Variants in WDR7 observed in about 807,000 individuals in gnomAD.
The protein encoded by WDR7 is WD repeat domain 7, also known as WD repeat-containing protein 7.
Under a neutral mutation model 169.4 loss-of-function variants are expected in WDR7, and 46 were observed. The observed-to-expected ratio is 0.27, with a 90% CI of 0.21 to 0.35. The LOEUF is 0.35. Among genes scored for constraint, WDR7 ranks in the 10% least tolerant of loss-of-function variants. The probability of loss-of-function intolerance (pLI) is 1.00; values close to 1 mark genes in which losing one functional copy is unlikely to be tolerated. For missense variants in WDR7, 1,534 were observed against 1,859.3 expected (o/e 0.83, Z 3.22); for synonymous variants, 612 against 666.8 (o/e 0.92, Z 1.27).
chr18:56,676,754 C>T (rs1394605821), intron 2 of WDR7, among the ~76,000 whole-genome samples: 1 of 151,588 alleles, frequency 6.6e-6, no homozygotes, highest in African/African-American at 2.4e-5. Flanking sequence ...CTTTGTCACC[C>T]AAGCTGGAGT....
chr18:56,869,116 C>A (rs1268530272), intron 20 of WDR7, among the ~76,000 whole-genome samples: 1 of 152,022 alleles, frequency 6.6e-6, no homozygotes, highest in Non-Finnish European at 1.5e-5. Context: ...GCCCTCAAAG[C>A]TTAAGATTTA....
At chr18:56,888,446 G>A (rs989884457) in intron 21 of WDR7, among the ~76,000 whole-genome samples, 1 of 152,118 alleles carries the variant, frequency 6.6e-6, no homozygotes, top group Non-Finnish European at 1.5e-5. Context: ...AACTTCTTTT[G>A]GTCCAAATAG....
intron 20 of WDR7, among the ~76,000 whole-genome samples, chr18:56,825,135 C>G (rs1238906921): frequency 4.6e-5 from 7 of 152,274 alleles, no homozygotes; most frequent in Non-Finnish European, 1.0e-4. Context: ...GGTAACTGTG[C>G]CTCCTCGTTT....
In WDR7 at chr18:56,958,090, C is replaced by G. The variant is rs117447809; in HGVS notation, c.4065-4340C>G. On this transcript the variant is annotated intron_variant, in intron 25 of 27. Coordinates refer to ENST00000254442, the MANE Select transcript of WDR7 (RefSeq NM_015285.3). ...CAAGGGAAAGTATAAATAGGGAGTGCCAAAGTTATTTAGAAACTCAGGTAC... is the reference window on the plus strand; with the variant it reads ...CAAGGGAAAGTATAAATAGGGAGTGGCAAAGTTATTTAGAAACTCAGGTAC... 7.6e-4 allele frequency among the ~76,000 whole-genome samples: 115 copies of G among 152,192 alleles called. 2 individuals carry two copies. The East Asian group carries it at 0.021, about 28-fold the overall frequency.
intron 13 of WDR7, among the ~76,000 whole-genome samples, chr18:56,724,821 A>C (rs2026406859): frequency 6.6e-6 from 1 of 151,930 alleles, no homozygotes; most frequent in Admixed American, 6.6e-5. Context: ...ACCCCACAAC[A>C]GGCCCTGGTG....
chr18:56,784,255 T>C (rs72916629), intron 19 of WDR7, among the ~76,000 whole-genome samples: 2 of 152,172 alleles, frequency 1.3e-5, no homozygotes, highest in Admixed American at 6.5e-5. Flanking sequence ...TTCCTTTTTT[T>C]AAAAAATTAT....
chr18:56,920,222 G>A (rs930753000), intron 21 of WDR7, among the ~76,000 whole-genome samples: 3 of 151,856 alleles, frequency 2.0e-5, no homozygotes, highest in East Asian at 1.9e-4. Flanking sequence ...TCCTTTAACT[G>A]GCTAATTCCT....
intron 26 of WDR7, among the ~76,000 whole-genome samples, chr18:56,981,666 A>G (rs570653036): frequency 2.4e-4 from 36 of 152,192 alleles, no homozygotes; most frequent in Non-Finnish European, 4.0e-4. Flanking sequence ...AAATGCTGCC[A>G]AAAGGTCAAG....
chr18:56,723,902 A>G (rs1598991516), intron 13 of WDR7, among the ~76,000 whole-genome samples: 3 of 151,650 alleles, frequency 2.0e-5, no homozygotes, highest in East Asian at 1.9e-4. Context: ...TTCATTTTAT[A>G]TAATTTCTAT....
intron 11 of WDR7, 142 bp from the exon 12 acceptor site, chr18:56,696,100 C>A: frequency 1.5e-6 from 1 of 687,978 alleles, no homozygotes; most frequent in Non-Finnish European, 2.4e-6. Context: ...CTGAATTAGG[C>A]AGAGTTGTGT....
At chr18:56,860,960 AAT>A (rs1391938765) in intron 20 of WDR7, among the ~76,000 whole-genome samples, 1 of 152,144 alleles carries the variant, frequency 6.6e-6, no homozygotes, top group African/African-American at 2.4e-5. Context: ...TCTTTTAAAA[AAT>A]ATATCTTTGT....
chr18:56,940,437 A>T (rs953469127), intron 25 of WDR7, among the ~76,000 whole-genome samples: 1 of 152,172 alleles, frequency 6.6e-6, no homozygotes, highest in South Asian at 2.1e-4. Context: ...AAATTTAAAA[A>T]CATAAACACA....
chr18:56,744,543 T>C (rs2043673757), intron 14 of WDR7, among the ~76,000 whole-genome samples: 1 of 152,096 alleles, frequency 6.6e-6, no homozygotes, highest in African/African-American at 2.4e-5. Flanking sequence ...GAAAGACTGA[T>C]TGCTAGGACC....
chr18:56,793,113 T>C (rs896292692), intron 19 of WDR7, among the ~76,000 whole-genome samples: 2 of 152,188 alleles, frequency 1.3e-5, no homozygotes, highest in African/African-American at 4.8e-5. Context: ...AGAAACCATT[T>C]TGAATGTGCT....
intron 20 of WDR7, 141 bp from the exon 21 acceptor site, chr18:56,879,803 C>A (rs2046078865): frequency 3.3e-6 from 2 of 611,818 alleles, no homozygotes; most frequent in Non-Finnish European, 5.6e-6. Context: ...CATCCTTTTG[C>A]CTGTGAGTAA....
intron 21 of WDR7, among the ~76,000 whole-genome samples, chr18:56,905,392 G>C (rs1423020670): frequency 6.6e-6 from 1 of 151,992 alleles, no homozygotes; most frequent in Non-Finnish European, 1.5e-5. Flanking sequence ...CAAGTGATCT[G>C]CCCACCTCAG....
chr18:56,823,171 T>G (rs1196586192), intron 20 of WDR7, among the ~76,000 whole-genome samples: 1 of 152,246 alleles, frequency 6.6e-6, no homozygotes, highest in Non-Finnish European at 1.5e-5. Context: ...CTACCACTTG[T>G]ATGTTAATGA....
chr18:56,919,949 A>G lies in WDR7; in HGVS notation c.3527-3973A>G, dbSNP rs183804679. Among the ~76,000 whole-genome samples, 5 of 152,286 alleles carry G rather than the reference A, an allele frequency of 3.3e-5. No individual in the cohort carries two copies. The East Asian group carries it at 9.6e-4, about 29-fold the overall frequency. On this transcript the variant is annotated intron_variant, in intron 21 of 27. Coordinates refer to ENST00000254442, the MANE Select transcript of WDR7 (RefSeq NM_015285.3). ...TTTGTAATGGTTTTTTATTATCACC[A>G]GAATAAACAAATTCCTTAGCGTGGC...
Position 57,027,512 on chromosome 18 carries a change from G to A in WDR7, c.*305G>A, listed in dbSNP as rs1484137383. ...CCTGGGAACGCTCTTGTTGCTTGGT[G>A]CAACAGAAGCACAAAAATCAATAAA... is the stretch of plus-strand genomic sequence containing the variant. On this transcript the variant is annotated 3_prime_UTR_variant, in exon 28 of 28. Transcript: ENST00000254442. The A allele has an allele frequency of 2.4e-6, 1 of 416,246 alleles. No individual in the cohort carries two copies. The highest frequency in any genetic ancestry group is 4.4e-6 in the Non-Finnish European group (1 of 228,688). The allele number at this position is 416,246 out of a possible 1,614,324, so 25.8% of individuals were successfully genotyped here.
Sources: allele counts gnomAD v4.1 joint callset (sites outside exome capture counted in the v4.1 genomes callset), GRCh38; gene constraint gnomAD v4.1.1; transcripts MANE v1.5; gene names NCBI Gene and HGNC (gene_info 2026-07-23, HGNC 2026-07-21).